The following GCC2 variants were observed in gnomAD, a reference collection of about 807,000 sequenced individuals.
GCC2 encodes GRIP and coiled-coil domain containing 2.
A neutral mutation model predicts 210.6 loss-of-function variants in GCC2; 120 were observed. The observed-to-expected ratio is 0.57, with a 90% CI of 0.49 to 0.66. The LOEUF (loss-of-function observed/expected upper bound fraction) is 0.66. GCC2 is among the 30% of genes least tolerant of loss of function. The pLI, the probability that GCC2 is intolerant of heterozygous loss-of-function variation, is 0.00. For synonymous variants in GCC2, 703 were observed against 652.7 expected, an observed-to-expected ratio of 1.08 and a Z score of -1.17; for missense variants, 1,868 against 1,871.9, an observed-to-expected ratio of 1.00 and a Z score of 0.04.
chr2:108,493,342 C>T, intron 19 of GCC2: 1 of 835,602 alleles, frequency 1.2e-6, no homozygotes, highest in Non-Finnish European at 1.4e-6. Flanking sequence ...CCCGCCTCGG[C>T]CTCCCAAAAT....
Position 108,471,230 on chromosome 2 carries a change from CA to C in GCC2, c.1903del (p.Ile635SerfsTer7). ...ILELGKKVEQ[T>X]IQYNSELEQK... ...GAACTTGGGAAGAAAGTAGAGCAAA[CA>C]ATCCAGTACAACAGTGAACTAGAAC... On this transcript the variant is annotated frameshift_variant, in exon 6 of 23. Coordinates refer to ENST00000309863, the MANE Select transcript of GCC2 (RefSeq NM_181453.4). LOFTEE classifies it high-confidence loss of function. 6.2e-7 allele frequency: 1 copy of C among 1,605,902 alleles called. No individual in the cohort carries two copies.
chr2:108,460,561 AAAT>A (rs1206638894), intron 4 of GCC2, among the ~76,000 whole-genome samples: 1 of 152,110 alleles, frequency 6.6e-6, no homozygotes, highest in Non-Finnish European at 1.5e-5. Context: ...TTATGATCAT[AAAT>A]GTCATCCTTT....
intron 4 of GCC2, among the ~76,000 whole-genome samples, chr2:108,461,404 A>G (rs1680562708): frequency 6.6e-6 from 1 of 152,030 alleles, no homozygotes; most frequent in African/African-American, 2.4e-5. Context: ...GTTTGGGGAT[A>G]CCTGGGCCTC....
chr2:108,471,018 C>G lies in GCC2; in HGVS notation c.1689C>G (p.Asn563Lys). 6.2e-7 allele frequency: 1 copy of G among 1,611,058 alleles called. No homozygotes were observed. The highest frequency in any genetic ancestry group is 8.5e-7 in the Non-Finnish European group (1 of 1,177,944). Residue 563 changes from asparagine (N) to lysine (K), a missense_variant, in exon 6 of 23, where the codon AAC becomes AAG. This residue lies in a region of GCC2 where 1,847 missense variants were observed against 1,765.2 expected (regional missense o/e 1.05). Transcript: ENST00000309863. ...CAGAACTTGAAAATACCATAAAGAA[C>G]CTTCAAGAAAAGAATGGAGTATACT... ...LVPELENTIK[N>K]LQEKNGVYLL...
chr2:108,505,469 C>G (rs1377527090), intron 22 of GCC2, among the ~76,000 whole-genome samples: 5 of 152,228 alleles, frequency 3.3e-5, no homozygotes, highest in African/African-American at 1.2e-4. Context: ...GTAGGCTAAC[C>G]TAATGAGTTA....
At chr2:108,453,799 A>C (rs1205026770) in intron 4 of GCC2, among the ~76,000 whole-genome samples, 2 of 151,634 alleles carry the variant, frequency 1.3e-5, no homozygotes, top group East Asian at 1.9e-4. Context: ...AAAAAAAAAA[A>C]AAACACAAAA....
chr2:108,451,166 A>C (rs1450543884), intron 3 of GCC2, 54 bp downstream of exon 3: 3 of 1,117,786 alleles, frequency 2.7e-6, no homozygotes, highest in Non-Finnish European at 4.0e-6. Flanking sequence ...CGTGGTTTAA[A>C]ATGGTAGTTT....
chr2:108,505,043 T>C (rs1683117706), intron 22 of GCC2, among the ~76,000 whole-genome samples: 3 of 152,318 alleles, frequency 2.0e-5, no homozygotes, highest in African/African-American at 7.2e-5. Flanking sequence ...CAAGAGCAAA[T>C]GCATCCTATC....
chr2:108,491,078 T>G (rs1291487912), intron 18 of GCC2, among the ~76,000 whole-genome samples: 1 of 152,106 alleles, frequency 6.6e-6, no homozygotes, highest in East Asian at 1.9e-4. Flanking sequence ...TAAAAAATGT[T>G]TTAATATTCA....
chr2:108,473,260 G>C, intron 7 of GCC2: 1 of 175,828 alleles, frequency 5.7e-6, no homozygotes, highest in Non-Finnish European at 1.2e-5. Flanking sequence ...GTTGTTTGAG[G>C]TGTGGACAAG....
chr2:108,493,434 C>T, intron 19 of GCC2: 1 of 984,542 alleles, frequency 1.0e-6, no homozygotes, highest in Non-Finnish European at 1.2e-6. Context: ...TTCATGTTCT[C>T]CGTTGTTAGA....
chr2:108,465,528 A>G (rs931515158), intron 4 of GCC2, among the ~76,000 whole-genome samples: 5 of 152,104 alleles, frequency 3.3e-5, no homozygotes, highest in Non-Finnish European at 5.9e-5. Flanking sequence ...TTGCATCTCT[A>G]ACATCCATTA....
intron 22 of GCC2, among the ~76,000 whole-genome samples, chr2:108,504,647 C>G (rs1455549455): frequency 1.3e-5 from 2 of 152,170 alleles, no homozygotes; most frequent in East Asian, 3.9e-4. Flanking sequence ...ATTTCTATTT[C>G]AGGTAGACTT....
chr2:108,487,461 A>G (rs1042207397), intron 16 of GCC2, among the ~76,000 whole-genome samples: 7 of 152,344 alleles, frequency 4.6e-5, no homozygotes, highest in Admixed American at 4.6e-4. Context: ...GCATCCATCA[A>G]AATATCACAT....
chr2:108,469,508 G>T (rs573179463), intron 5 of GCC2, 143 bp from the exon 6 acceptor site: 7 of 590,130 alleles, frequency 1.2e-5, no homozygotes, highest in Non-Finnish European at 1.8e-5. Flanking sequence ...AGAGTTATTG[G>T]AATATCAGTA....
chr2:108,451,839 CTCTT>C (rs1463807940), intron 3 of GCC2, among the ~76,000 whole-genome samples: 2 of 137,746 alleles, frequency 1.5e-5, no homozygotes, highest in Non-Finnish European at 3.1e-5. Context: ...CTCTCTCTCT[CTCTT>C]TTTTTTTTTT....
Position 108,449,673 on chromosome 2 carries a change from G to A in GCC2, c.47G>A (p.Gly16Glu), listed in dbSNP as rs1375520891. ...QDGVASPATPGTGKSKLETLP... is the reference protein window; with the variant it reads ...QDGVASPATPETGKSKLETLP... Reference sequence around the variant, plus strand: ...GGGGTGGCTTCACCAGCTACCCCTGGGACCGGGAAATCTAAGGTGAAGAGA... The same window carrying A: ...GGGGTGGCTTCACCAGCTACCCCTGAGACCGGGAAATCTAAGGTGAAGAGA... Residue 16 changes from glycine to glutamate, a missense_variant, in exon 2 of 23, where the codon GGG (glycine) becomes GAG (glutamate). Coordinates refer to ENST00000309863, the MANE Select transcript of GCC2 (RefSeq NM_181453.4). 6.2e-7 allele frequency: 1 copy of A among 1,613,650 alleles called. No individual in the cohort carries two copies. The highest frequency in any genetic ancestry group is 1.7e-5 in the Admixed American group (1 of 60,024).
At position 108,460,822 on chromosome 2, in the gene GCC2, A is replaced by G. The variant is rs116823679; in HGVS notation, c.217-8158A>G. On this transcript the variant is annotated intron_variant, in intron 4 of 22. Transcript: ENST00000309863. ...AAGTGACTGGATCATGGGGATGAAC[A>G]TGAACTTCCTCCTTGCTTTTCTCAT... Among the ~76,000 whole-genome samples the G allele has an allele frequency of 8.8e-3, 1,340 of 152,294 alleles. 13 individuals are homozygous for G. The highest frequency in any genetic ancestry group is 0.013 in the Non-Finnish European group (860 of 68,006).
intron 4 of GCC2, among the ~76,000 whole-genome samples, chr2:108,465,548 G>C (rs996699799): frequency 6.6e-6 from 1 of 152,040 alleles, no homozygotes; most frequent in Admixed American, 6.6e-5. Flanking sequence ...ATATCACTCT[G>C]TATGGCTTTG....
Sources: gnomAD v4.1 joint callset for allele counts (sites outside exome capture counted in the v4.1 genomes callset) on GRCh38, gnomAD v4.1.1 for gene constraint, gnomAD v4.1.1 regional missense constraint, MANE v1.5 for transcripts, NCBI Gene and HGNC (gene_info 2026-07-23, HGNC 2026-07-21) for gene names.